CAMK2D: variants seen among roughly 807,000 people sequenced by gnomAD.
CAMK2D encodes calcium/calmodulin-dependent protein kinase type II subunit delta.
In CAMK2D, 37 loss-of-function variants were observed where a neutral mutation model predicts 84.0. The observed-to-expected ratio is 0.44, with a 90% CI of 0.34 to 0.58. The LOEUF is 0.58. CAMK2D is among the 20% of genes least tolerant of loss of function. The probability of loss-of-function intolerance (pLI) is 0.02; values close to 1 mark genes in which losing one functional copy is unlikely to be tolerated. For missense variants in CAMK2D, 448 were observed against 652.5 expected, an observed-to-expected ratio of 0.69 and a Z score of 3.41; for synonymous variants, 202 against 212.5, an observed-to-expected ratio of 0.95 and a Z score of 0.43.
intron 2 of CAMK2D, among the ~76,000 whole-genome samples, chr4:113,729,622 A>G (rs2099556845): frequency 6.6e-6 from 1 of 152,130 alleles, no homozygotes; most frequent in Admixed American, 6.5e-5. Context: ...ATCAATTTCT[A>G]TTACATCACC....
At chr4:113,620,634 AG>A (rs2099041850) in intron 3 of CAMK2D, among the ~76,000 whole-genome samples, 1 of 151,442 alleles carries the variant, frequency 6.6e-6, no homozygotes, top group Non-Finnish European at 1.5e-5. Flanking sequence ...CAGCCTCCTG[AG>A]TAGCTGGGAC....
At chr4:113,536,797 C>T (rs964811542) in intron 7 of CAMK2D, among the ~76,000 whole-genome samples, 3 of 152,188 alleles carry the variant, frequency 2.0e-5, no homozygotes, top group African/African-American at 4.8e-5. Context: ...ATAAAAATTT[C>T]TAAATTATCA....
intron 3 of CAMK2D, among the ~76,000 whole-genome samples, chr4:113,641,048 CTGAG>C (rs1455103269): frequency 1.3e-5 from 2 of 152,196 alleles, no homozygotes; most frequent in African/African-American, 4.8e-5. Flanking sequence ...CTTTGAACTG[CTGAG>C]TATTTTCATG....
intron 3 of CAMK2D, among the ~76,000 whole-genome samples, chr4:113,650,515 C>T (rs567993382): frequency 8.4e-6 from 1 of 118,862 alleles, no homozygotes; most frequent in South Asian, 2.3e-4. Context: ...GAAACTCCAT[C>T]TCAAAAAAAA....
In CAMK2D at chr4:113,453,295, T is replaced by C. The variant is rs1221692529; in HGVS notation, c.*1250A>G. ...TGAGAATGGCAAACATTTGTAAGCC[T>C]CTCTAACACTAGAAAACTAGCTAGT... On this transcript the variant is annotated 3_prime_UTR_variant, in exon 21 of 21. Transcript: ENST00000511664. 6.6e-6 allele frequency: 1 copy of C among 152,138 alleles called. No homozygotes were observed. Among genetic ancestry groups the C allele is most frequent in the Admixed American group, 6.6e-5 (1 of 15,258 alleles). The allele number at this position is 152,138 out of a possible 1,614,324, so 9.4% of individuals were successfully genotyped here.
At chr4:113,759,967 T>G (rs1160302741) in intron 1 of CAMK2D, among the ~76,000 whole-genome samples, 1 of 152,232 alleles carries the variant, frequency 6.6e-6, no homozygotes, top group African/African-American at 2.4e-5. Flanking sequence ...TTCCGACATA[T>G]TCTCCATGTT....
intron 2 of CAMK2D, among the ~76,000 whole-genome samples, chr4:113,704,951 TGAA>T (rs2099439763): frequency 1.3e-5 from 2 of 148,814 alleles, no homozygotes; most frequent in South Asian, 4.3e-4. Flanking sequence ...AAAAAAAAAA[TGAA>T]GAGCAGATTT....
intron 16 of CAMK2D, 102 bp downstream of exon 16, chr4:113,500,361 T>C (rs570827179): frequency 8.9e-6 from 5 of 564,908 alleles, no homozygotes; most frequent in African/African-American, 5.7e-5. Context: ...TGCTTTAGGA[T>C]AGGCCTACTT....
chr4:113,558,658 C>T (rs966162801), intron 4 of CAMK2D, among the ~76,000 whole-genome samples: 2 of 152,054 alleles, frequency 1.3e-5, no homozygotes, highest in Admixed American at 6.6e-5. Flanking sequence ...CATACATATA[C>T]ACACACATAC....
intron 5 of CAMK2D, among the ~76,000 whole-genome samples, chr4:113,550,462 C>T (rs1009156197): frequency 6.6e-6 from 1 of 152,152 alleles, no homozygotes; most frequent in Non-Finnish European, 1.5e-5. Context: ...AGTGGGCCAC[C>T]ACATCTGACT....
chr4:113,494,765 C>T (rs58420075), intron 16 of CAMK2D, among the ~76,000 whole-genome samples: 1 of 152,152 alleles, frequency 6.6e-6, no homozygotes, highest in African/African-American at 2.4e-5. Context: ...AGTTTGATCT[C>T]AGACTGCTGT....
At chr4:113,536,161 G>T (rs572936045) in intron 7 of CAMK2D, among the ~76,000 whole-genome samples, 4 of 152,306 alleles carry the variant, frequency 2.6e-5, no homozygotes, top group Non-Finnish European at 5.9e-5. Context: ...TAAACAGAAT[G>T]ACAAGTTTGG....
At chr4:113,496,173 C>G (rs572785953) in intron 16 of CAMK2D, among the ~76,000 whole-genome samples, 227 of 152,340 alleles carry the variant, frequency 1.5e-3, no homozygotes, top group African/African-American at 5.3e-3. Flanking sequence ...ACCCACACCC[C>G]TGGCGAGGAG....
At chr4:113,465,905 T>C (rs2097454987) in intron 16 of CAMK2D, among the ~76,000 whole-genome samples, 1 of 152,160 alleles carries the variant, frequency 6.6e-6, no homozygotes, top group South Asian at 2.1e-4. Flanking sequence ...TTTCCATTTG[T>C]TTGAAAACAA....
At chr4:113,694,822 G>A (rs962060194) in intron 2 of CAMK2D, among the ~76,000 whole-genome samples, 7 of 152,100 alleles carry the variant, frequency 4.6e-5, no homozygotes, top group African/African-American at 9.7e-5. Flanking sequence ...GGTTTACTAC[G>A]TGAGACCAGG....
At chr4:113,660,930 G>A (rs967316884) in intron 3 of CAMK2D, among the ~76,000 whole-genome samples, 7 of 151,864 alleles carry the variant, frequency 4.6e-5, no homozygotes, top group Non-Finnish European at 8.8e-5. Context: ...CGAGTAGCTG[G>A]GACTACAGGC....
At chr4:113,557,291 A>G (rs1591192195) in intron 4 of CAMK2D, among the ~76,000 whole-genome samples, 3 of 152,288 alleles carry the variant, frequency 2.0e-5, no homozygotes, top group Middle Eastern at 6.8e-3. Context: ...AAGCTCTTCA[A>G]TGGCTGTACA....
chr4:113,536,633 A>T (rs6855454), intron 7 of CAMK2D, among the ~76,000 whole-genome samples: 3,715 of 152,234 alleles, frequency 0.024, 125 homozygotes, highest in African/African-American at 0.084. Flanking sequence ...GGATATTGGA[A>T]AATGGCAGAG....
intron 8 of CAMK2D, 115 bp from the exon 9 acceptor site, chr4:113,517,772 G>C: frequency 1.7e-6 from 1 of 579,888 alleles, no homozygotes; most frequent in Admixed American, 2.5e-5. Flanking sequence ...AAACTGGATT[G>C]TAGGAAAACT....
Sources: allele counts gnomAD v4.1 joint callset (sites outside exome capture counted in the v4.1 genomes callset), GRCh38; gene constraint gnomAD v4.1.1; transcripts MANE v1.5; gene names NCBI Gene and HGNC (gene_info 2026-07-23, HGNC 2026-07-21).